The following POM121C variants were observed in gnomAD, a reference collection of about 807,000 sequenced individuals.
POM121C encodes the protein nuclear envelope pore membrane protein POM 121C.
Under a neutral mutation model 66.4 loss-of-function variants are expected in POM121C, and 20 were observed. That is an observed-to-expected ratio of 0.30 (90% CI 0.21 to 0.44). POM121C has a LOEUF of 0.44. Among genes scored for constraint, POM121C ranks in the 20% least tolerant of loss-of-function variants. POM121C has a pLI of 1.00. For missense variants in POM121C, 580 were observed against 1,225.7 expected (o/e 0.47, Z 7.87); for synonymous variants, 286 against 528.0 (o/e 0.54, Z 6.28).
intron 3 of POM121C, among the ~76,000 whole-genome samples, chr7:75,466,822 C>A (rs1554477918): frequency 1.3e-5 from 2 of 151,488 alleles, no homozygotes; most frequent in Middle Eastern, 3.4e-3. Context: ...TTAGCACAGA[C>A]CCTGCATGCA....
chr7:75,422,062 G>C lies in POM121C; in HGVS notation c.2190C>G (p.Phe730Leu). 2 of 1,610,828 alleles carry C rather than the reference G, an allele frequency of 1.2e-6. No homozygotes were observed. Among genetic ancestry groups the C allele is most frequent in the Non-Finnish European group, 8.5e-7 (1 of 1,177,512 alleles). Residue 730 changes from phenylalanine to leucine, a missense_variant, in exon 13 of 15, where the codon TTC (phenylalanine) becomes TTG (leucine). Physicochemically the swap from Phe to Leu is conservative, Grantham distance 22. Coordinates refer to ENST00000615331, the MANE Select transcript of POM121C (RefSeq NM_001099415.3). ...PALTPSFGSS[F>L]TFGNSAAPAP... ...CCGGGGCTGCAGAGTTTCCAAAAGTGAAAGAGCTGCCAAAGCTGGGGGTAA... is the reference window on the plus strand; with the variant it reads ...CCGGGGCTGCAGAGTTTCCAAAAGTCAAAGAGCTGCCAAAGCTGGGGGTAA...
At position 75,416,895 on chromosome 7, in the gene POM121C, T is replaced by C. The variant is rs1307171564; in HGVS notation, c.*1901A>G. 3 of 1,435,484 alleles carry C rather than the reference T, an allele frequency of 2.1e-6. No homozygotes were observed. The highest frequency in any genetic ancestry group is 2.7e-6 in the Non-Finnish European group (3 of 1,099,714). The allele number at this position is 1,435,484 out of a possible 1,614,324, so 88.9% of individuals were successfully genotyped here. A position where few individuals can be genotyped will look rare whatever the true frequency, so the allele number is the denominator to read the frequency against. ...ACAGGAATGAAGTCTCTATTTGTAA[T>C]GGAAAGTCCCAGCCTCCCGCTGCCG... is the stretch of plus-strand genomic sequence containing the variant. On this transcript the variant is annotated 3_prime_UTR_variant, in exon 15 of 15. Coordinates refer to ENST00000615331, the MANE Select transcript of POM121C (RefSeq NM_001099415.3).
chr7:75,425,880 G>A (rs1789922086), intron 8 of POM121C, among the ~76,000 whole-genome samples, 172 bp from the exon 9 acceptor site: 1 of 152,292 alleles, frequency 6.6e-6, no homozygotes, highest in South Asian at 2.1e-4. Flanking sequence ...AGAATGAAGG[G>A]AGGCTGTTCA....
At chr7:75,470,608 C>T (rs1489264045) in intron 3 of POM121C, among the ~76,000 whole-genome samples, 4 of 151,764 alleles carry the variant, frequency 2.6e-5, no homozygotes, top group Admixed American at 2.6e-4. Context: ...ACTACAGGTG[C>T]GTGCCACCAT....
rs1397743918 is a variant in POM121C, at chr7:75,486,011, G to A, written c.-605C>T. The A allele has an allele frequency of 6.3e-6, 3 of 478,672 alleles. No homozygotes were observed. The highest frequency in any genetic ancestry group is 3.9e-5 in the African/African-American group (2 of 50,846). 29.7% of individuals were successfully genotyped at this position (478,672 alleles called of 1,614,324 possible). ...CCCGAGGGGCCCGGGCCGGGCCTAC[G>A]GGGCAAATCCAGGCGGGTGTCCTTC... On this transcript the variant is annotated 5_prime_UTR_variant, in exon 1 of 15. Transcript: ENST00000615331.
At chr7:75,450,769 A>G (rs1790996010) in intron 3 of POM121C, among the ~76,000 whole-genome samples, 1 of 152,254 alleles carries the variant, frequency 6.6e-6, no homozygotes, top group Non-Finnish European at 1.5e-5. Flanking sequence ...ACTCACAAAT[A>G]CATAGCAAAT....
chr7:75,417,093 C>T lies in POM121C; in HGVS notation c.*1703G>A, dbSNP rs1789496799. 5 of 1,042,732 alleles carry T rather than the reference C, an allele frequency of 4.8e-6. No homozygotes were observed. The highest frequency in any genetic ancestry group is 5.8e-6 in the Non-Finnish European group (5 of 862,666). 64.6% of individuals were successfully genotyped at this position (1,042,732 alleles called of 1,614,324 possible). ...CTAGGCCCAGGCCCACCCAGACCCTCCAATCCTAACAGGTATTTAGGCTTG... is the reference window on the plus strand; with the variant it reads ...CTAGGCCCAGGCCCACCCAGACCCTTCAATCCTAACAGGTATTTAGGCTTG... On this transcript the variant is annotated 3_prime_UTR_variant, in exon 15 of 15. Transcript: ENST00000615331.
chr7:75,440,032 C>T (rs1360971475), intron 5 of POM121C, among the ~76,000 whole-genome samples: 1 of 151,510 alleles, frequency 6.6e-6, no homozygotes, highest in African/African-American at 2.4e-5. Flanking sequence ...AGGCACCCAC[C>T]ACCACATCCA....
At chr7:75,457,269 C>T (rs1478217734) in intron 3 of POM121C, among the ~76,000 whole-genome samples, 1 of 149,942 alleles carries the variant, frequency 6.7e-6, no homozygotes, top group African/African-American at 2.5e-5. Flanking sequence ...AAGAGAAGGG[C>T]TGACCCAGTG....
intron 13 of POM121C, chr7:75,419,853 A>G: frequency 5.6e-6 from 1 of 179,910 alleles, no homozygotes; most frequent in East Asian, 1.8e-4. Context: ...GTCTTTTGTG[A>G]TGCCCCGTGG....
chr7:75,437,177 G>A (rs587734014), intron 7 of POM121C, among the ~76,000 whole-genome samples: 8 of 152,176 alleles, frequency 5.3e-5, no homozygotes, highest in Admixed American at 2.0e-4. Context: ...TTTACATTCC[G>A]GGCTTTCTAC....
At chr7:75,481,475 T>G (rs1357294186) in intron 1 of POM121C, among the ~76,000 whole-genome samples, 1 of 152,120 alleles carries the variant, frequency 6.6e-6, no homozygotes, top group Non-Finnish European at 1.5e-5. Flanking sequence ...CTACTCAATA[T>G]TTTAGAAACT....
At chr7:75,458,213 T>A (rs1486926272) in intron 3 of POM121C, among the ~76,000 whole-genome samples, 1 of 151,864 alleles carries the variant, frequency 6.6e-6, no homozygotes, top group South Asian at 2.1e-4. Flanking sequence ...TCAACGGCAA[T>A]GTGGAATACT....
intron 13 of POM121C, chr7:75,421,135 G>C (rs1160759539): frequency 2.9e-6 from 1 of 348,972 alleles, no homozygotes; most frequent in Non-Finnish European, 5.3e-6. Context: ...CACCATGCCC[G>C]GCTAATTTTT....
At chr7:75,458,489 T>C (rs375494684) in intron 3 of POM121C, among the ~76,000 whole-genome samples, 2,808 of 151,398 alleles carry the variant, frequency 0.019, 14 homozygotes, top group Non-Finnish European at 0.032. Context: ...GACTGGGCCA[T>C]TGCACTCCAG....
chr7:75,436,590 A>C (rs1343546142), intron 7 of POM121C, among the ~76,000 whole-genome samples: 3 of 152,172 alleles, frequency 2.0e-5, no homozygotes, highest in African/African-American at 7.2e-5. Context: ...CTTGTCTCAA[A>C]AACGTTTCTC....
intron 3 of POM121C, among the ~76,000 whole-genome samples, chr7:75,466,331 A>T (rs1791648040): frequency 6.6e-6 from 1 of 151,542 alleles, no homozygotes; most frequent in Non-Finnish European, 1.5e-5. Flanking sequence ...GCAGGCTGGG[A>T]GGGGTGGCTC....
At chr7:75,425,506 C>T (rs1789908299) in intron 9 of POM121C, 129 bp downstream of exon 9, 1 of 1,028,280 alleles carries the variant, frequency 9.7e-7, no homozygotes. Flanking sequence ...GGAAATCTCT[C>T]TCTTTGTATC....
At chr7:75,427,810 A>ACAAT (rs782601785) in intron 7 of POM121C, among the ~76,000 whole-genome samples, 141 of 152,218 alleles carry the variant, frequency 9.3e-4, no homozygotes, top group Non-Finnish European at 1.7e-3. Flanking sequence ...CAGGAAGCCA[A>ACAAT]GCTTAATAAG....
Sources: gnomAD v4.1 joint callset for allele counts (sites outside exome capture counted in the v4.1 genomes callset) on GRCh38, gnomAD v4.1.1 for gene constraint, MANE v1.5 for transcripts, NCBI Gene and HGNC (gene_info 2026-07-23, HGNC 2026-07-21) for gene names.